Variants in DST observed in about 807,000 individuals in gnomAD.
The protein encoded by DST is bullous pemphigoid antigen.
In DST, 253 loss-of-function variants were observed where a neutral mutation model predicts 875.2. The observed-to-expected ratio is 0.29, with a 90% CI of 0.26 to 0.32. The LOEUF is 0.32. Among genes scored for constraint, DST ranks in the 10% least tolerant of loss-of-function variants. The pLI, the probability that DST is intolerant of heterozygous loss-of-function variation, is 1.00. For synonymous variants in DST, 3,124 were observed against 3,197.1 expected (o/e 0.98, Z 0.77); for missense variants, 8,287 against 9,111.6 (o/e 0.91, Z 3.68).
intron 3 of DST, among the ~76,000 whole-genome samples, chr6:56,895,982 G>C (rs1472765328): frequency 1.7e-5 from 1 of 58,630 alleles, no homozygotes; most frequent in Non-Finnish European, 3.1e-5. Context: ...GTCCAGCTTT[G>C]GCTCGGCATG....
intron 3 of DST, among the ~76,000 whole-genome samples, chr6:56,889,967 AAC>A (rs1238316588): frequency 6.6e-6 from 1 of 152,230 alleles, no homozygotes; most frequent in Admixed American, 6.5e-5. Context: ...ATAGTTTAAA[AAC>A]ACAAAGATTT....
chr6:56,465,808 A>C (rs563191606), intron 99 of DST, among the ~76,000 whole-genome samples: 10 of 151,706 alleles, frequency 6.6e-5, no homozygotes, highest in African/African-American at 2.4e-4. Context: ...TAGATGTAAA[A>C]GTCTCCTAAA....
intron 2 of DST, among the ~76,000 whole-genome samples, chr6:56,921,558 T>C (rs1235599139): frequency 6.6e-6 from 1 of 152,236 alleles, no homozygotes; most frequent in Non-Finnish European, 1.5e-5. Context: ...AAACTGACTT[T>C]AAAACCAGAC....
At chr6:56,522,238 T>TC (rs1375862428) in intron 69 of DST, among the ~76,000 whole-genome samples, 1 of 152,036 alleles carries the variant, frequency 6.6e-6, no homozygotes, top group Non-Finnish European at 1.5e-5. Context: ...TACCATTAAC[T>TC]CCATTTCCAG....
At chr6:56,640,117 C>T (rs550089324) in intron 18 of DST, 26 bp downstream of exon 18, 2 of 1,613,028 alleles carry the variant, frequency 1.2e-6, no homozygotes, top group South Asian at 1.1e-5. Flanking sequence ...GACTGAAACA[C>T]TCAGGTAAAG....
At chr6:56,616,390 G>A (rs370589569) in intron 36 of DST, 2 of 1,613,696 alleles carry the variant, frequency 1.2e-6, no homozygotes, top group East Asian at 2.2e-5. Flanking sequence ...TCTCAATCAG[G>A]TTTCTCTGGA....
intron 22 of DST, 67 bp from the exon 23 acceptor site, chr6:56,636,719 C>G: frequency 8.0e-7 from 1 of 1,245,644 alleles, no homozygotes; most frequent in Middle Eastern, 1.9e-4. Flanking sequence ...CTTTTGATAT[C>G]GATGCTTCTA....
intron 2 of DST, among the ~76,000 whole-genome samples, chr6:56,939,176 CAGA>C (rs1346838854): frequency 1.3e-5 from 2 of 152,186 alleles, no homozygotes; most frequent in East Asian, 3.8e-4. Flanking sequence ...GTCACTGTGG[CAGA>C]AGGACTAATT....
rs147802764 is a variant in DST at position 56,921,904 on chromosome 6, A to G, written c.217-21283T>C. ...AAAGAGGATAGGAGAAAGATCTAAC[A>G]TGAAAAAAGGTTCTAGGCACAAAGA... On this transcript the variant is annotated intron_variant, in intron 2 of 103. Transcript: ENST00000680361. Among the ~76,000 whole-genome samples the G allele has an allele frequency of 3.9e-5, 6 of 152,306 alleles. No individual in the cohort carries two copies. In the East Asian group the frequency reaches 9.6e-4, roughly 24 times the overall value.
chr6:56,640,082 T>C (rs2098876128), intron 18 of DST, 25 bp from the exon 19 acceptor site: 24 of 1,613,920 alleles, frequency 1.5e-5, no homozygotes, highest in Non-Finnish European at 2.0e-5. Context: ...ATACTAAGTT[T>C]AAAAAAGAAA....
Position 56,639,349 on chromosome 6 carries a change from T to G in DST, c.2874A>C (p.Glu958Asp). The G allele has an allele frequency of 6.2e-7, 1 of 1,613,380 alleles. No individual in the cohort carries two copies. Among genetic ancestry groups the G allele is most frequent in the Non-Finnish European group, 8.5e-7 (1 of 1,179,598 alleles). ...TAATATTTTCTTCCTTTTGATCAAG[T>G]TCTCTCATTAATTCCTTCAAGAAAT... ...KKDYHAELMR[E>D]LDQKEENIKS... The change falls in exon 22 of 104, where the codon GAA becomes GAC. Residue 958 changes from glutamate to aspartate, a missense_variant. This residue lies in a region of DST where 1,160 missense variants were observed against 1,424.3 expected (regional missense o/e 0.81). Coordinates refer to ENST00000680361, the MANE Select transcript of DST (RefSeq NM_001374736.1).
At chr6:56,562,921 T>C (rs1367562351) in intron 55 of DST, among the ~76,000 whole-genome samples, 1 of 152,200 alleles carries the variant, frequency 6.6e-6, no homozygotes, top group African/African-American at 2.4e-5. Flanking sequence ...CATGAACATA[T>C]CCTTTTTTAT....
chr6:56,676,259 G>C (rs909639039), intron 9 of DST, among the ~76,000 whole-genome samples: 10 of 152,130 alleles, frequency 6.6e-5, no homozygotes, highest in Admixed American at 4.6e-4. Context: ...GTAAAGACGG[G>C]GTTTTGCCAT....
chr6:56,704,834 ACT>A (rs2099327065), intron 5 of DST, among the ~76,000 whole-genome samples: 1 of 152,030 alleles, frequency 6.6e-6, no homozygotes, highest in African/African-American at 2.4e-5. Context: ...AGAGTATGAG[ACT>A]CTACATATTA....
At chr6:56,704,089 A>G (rs1477946629) in intron 6 of DST, among the ~76,000 whole-genome samples, 191 bp downstream of exon 6, 2 of 152,192 alleles carry the variant, frequency 1.3e-5, no homozygotes, top group Non-Finnish European at 2.9e-5. Context: ...AAGTGCTTCA[A>G]TCTCTCAAAT....
chr6:56,500,369 A>T (rs2096078065), intron 80 of DST, among the ~76,000 whole-genome samples: 1 of 152,190 alleles, frequency 6.6e-6, no homozygotes, highest in Non-Finnish European at 1.5e-5. Flanking sequence ...TGATCTATTA[A>T]GAAGTGTCAC....
intron 69 of DST, among the ~76,000 whole-genome samples, chr6:56,525,871 C>G (rs1261912806): frequency 6.6e-6 from 1 of 152,076 alleles, no homozygotes; most frequent in Admixed American, 6.6e-5. Flanking sequence ...ATCTTTTCCC[C>G]CCTTCTGTCA....
intron 53 of DST, among the ~76,000 whole-genome samples, 199 bp from the exon 54 acceptor site, chr6:56,570,211 G>A (rs948970954): frequency 3.3e-5 from 5 of 152,096 alleles, no homozygotes; most frequent in African/African-American, 7.2e-5. Context: ...GACCAGTTTC[G>A]TAGAAGATAA....
intron 67 of DST, 24 bp downstream of exon 67, chr6:56,528,817 G>C (rs756124115): frequency 1.3e-5 from 19 of 1,409,710 alleles, no homozygotes; most frequent in Non-Finnish European, 1.8e-5. Flanking sequence ...ACCACATGAT[G>C]ATTTGATTTG....
Sources: gnomAD v4.1 joint callset for allele counts (sites outside exome capture counted in the v4.1 genomes callset) on GRCh38, gnomAD v4.1.1 for gene constraint, gnomAD v4.1.1 regional missense constraint, MANE v1.5 for transcripts, NCBI Gene and HGNC (gene_info 2026-07-23, HGNC 2026-07-21) for gene names.